WWTR1: variants seen among roughly 807,000 people sequenced by gnomAD.
WWTR1 encodes the protein WW domain-containing transcription regulator protein 1.
A neutral mutation model predicts 40.1 loss-of-function variants in WWTR1; 13 were observed. That is an observed-to-expected ratio of 0.32 (90% confidence interval 0.21 to 0.52). WWTR1 has a LOEUF of 0.52. Among genes scored for constraint, WWTR1 ranks in the 20% least tolerant of loss-of-function variants. The pLI is 0.97. For synonymous variants in WWTR1, 230 were observed against 210.1 expected, an observed-to-expected ratio of 1.09 and a Z score of -0.82; for missense variants, 436 against 523.1, an observed-to-expected ratio of 0.83 and a Z score of 1.63.
At chr3:149,629,770 C>T (rs1711504496) in intron 2 of WWTR1, among the ~76,000 whole-genome samples, 1 of 152,074 alleles carries the variant, frequency 6.6e-6, no homozygotes, top group Non-Finnish European at 1.5e-5. Flanking sequence ...ATCAGCCAAC[C>T]CATCTACTAT....
At chr3:149,579,896 A>C (rs1220107772) in intron 2 of WWTR1, among the ~76,000 whole-genome samples, 2 of 152,204 alleles carry the variant, frequency 1.3e-5, no homozygotes, top group African/African-American at 4.8e-5. Flanking sequence ...TAGTGTTAAA[A>C]ATGGAAACTG....
intron 2 of WWTR1, among the ~76,000 whole-genome samples, chr3:149,663,864 C>T (rs1021833690): frequency 6.6e-6 from 1 of 152,210 alleles, no homozygotes; most frequent in African/African-American, 2.4e-5. Context: ...TACTTCTGGA[C>T]TCAACTCTTT....
In WWTR1 at chr3:149,570,569, A is replaced by AAATAATAATAAT. The variant is rs71135699; in HGVS notation, c.568+2283_568+2294dup. 2.2e-3 allele frequency among the ~76,000 whole-genome samples: 317 copies of AAATAATAATAAT among 146,510 alleles called. 1 individual carries two copies. The highest frequency in any genetic ancestry group is 7.4e-3 in the African/African-American group (297 of 40,014). ...GATGACAGGGTGAGCCTCTTTCTCAAAATAATAATAATAATAATAATAATA... is the reference window on the plus strand; with the variant it reads ...GATGACAGGGTGAGCCTCTTTCTCAAAATAATAATAATAATAATAATAATAATAATAATAATA... On this transcript the variant is annotated intron_variant, in intron 3 of 6. Transcript: ENST00000360632.
At chr3:149,578,790 G>A (rs1330583038) in intron 2 of WWTR1, among the ~76,000 whole-genome samples, 4 of 152,090 alleles carry the variant, frequency 2.6e-5, no homozygotes, top group African/African-American at 9.7e-5. Flanking sequence ...AGAGGCAAGA[G>A]AAACACTTGA....
chr3:149,578,053 C>A (rs1416143926), intron 2 of WWTR1, among the ~76,000 whole-genome samples: 1 of 140,584 alleles, frequency 7.1e-6, no homozygotes, highest in African/African-American at 2.6e-5. Context: ...ATCTCACCTC[C>A]AGGCACATAT....
At chr3:149,710,839 A>G (rs984977610) in intron 5 of WWTR1, among the ~76,000 whole-genome samples, 3 of 152,010 alleles carry the variant, frequency 2.0e-5, no homozygotes, top group African/African-American at 7.2e-5. Flanking sequence ...TCAGCCTCCC[A>G]ACGTGCTGGG....
chr3:149,667,316 G>T lies in WWTR1; in HGVS notation c.-4+2472C>A, dbSNP rs182639936. On this transcript the variant is annotated intron_variant, in intron 2 of 7. Coordinates refer to the WWTR1 transcript ENST00000465804. The stretch of plus-strand genomic sequence containing the variant: ...AATCCCAGCACTTTGGGAGGCTGAG[G>T]GGGGGTGGATCATGAGGTCAGGAGA... Among the ~76,000 whole-genome samples, 82 of 98,282 alleles carry T rather than the reference G, an allele frequency of 8.3e-4. 2 individuals carry two copies. The East Asian group carries it at 0.024, about 28-fold the overall frequency. 64.5% of individuals were successfully genotyped at this position (98,282 alleles called of 152,430 possible).
At chr3:149,639,817 T>C (rs1712046945) in intron 2 of WWTR1, among the ~76,000 whole-genome samples, 1 of 150,870 alleles carries the variant, frequency 6.6e-6, no homozygotes, top group Non-Finnish European at 1.5e-5. Context: ...CACGGTGAAA[T>C]CCCATCTCTA....
chr3:149,583,483 C>T (rs1219593016), intron 2 of WWTR1, among the ~76,000 whole-genome samples: 1 of 152,154 alleles, frequency 6.6e-6, no homozygotes, highest in African/African-American at 2.4e-5. Context: ...TCTACACATG[C>T]GTGCCACCTT....
At chr3:149,593,434 A>G (rs906242469) in intron 2 of WWTR1, among the ~76,000 whole-genome samples, 1 of 151,802 alleles carries the variant, frequency 6.6e-6, no homozygotes, top group Non-Finnish European at 1.5e-5. Flanking sequence ...CTTGCCCCAA[A>G]GCCAGGAGAT....
intron 6 of WWTR1, among the ~76,000 whole-genome samples, chr3:149,523,248 ATTC>A (rs1735145289): frequency 6.9e-6 from 1 of 143,898 alleles, no homozygotes. Context: ...ACACAAGGCA[ATTC>A]TTTTTTTTTT....
intron 4 of WWTR1, among the ~76,000 whole-genome samples, chr3:149,719,993 G>A (rs1715718470): frequency 6.6e-6 from 1 of 152,112 alleles, no homozygotes; most frequent in South Asian, 2.1e-4. Flanking sequence ...TTGAGTTTTA[G>A]GAGTTCTCCA....
chr3:149,687,126 C>A (rs1714680588), intron 1 of WWTR1, among the ~76,000 whole-genome samples: 1 of 152,174 alleles, frequency 6.6e-6, no homozygotes, highest in Admixed American at 6.5e-5. Context: ...TGAGTTCTAC[C>A]AGCAGCAATT....
At chr3:149,604,551 C>T (rs1186502736) in intron 2 of WWTR1, among the ~76,000 whole-genome samples, 1 of 152,188 alleles carries the variant, frequency 6.6e-6, no homozygotes, top group East Asian at 1.9e-4. Flanking sequence ...TCCAGGAGGG[C>T]CAGGTGCTCC....
intron 4 of WWTR1, 90 bp downstream of exon 4, chr3:149,542,245 A>G (rs1275685361): frequency 1.4e-6 from 2 of 1,436,474 alleles, no homozygotes; most frequent in Non-Finnish European, 1.9e-6. Context: ...TCTTCTCTAG[A>G]AGAATTACCC....
intron 3 of WWTR1, among the ~76,000 whole-genome samples, chr3:149,563,854 C>T (rs548115229): frequency 6.6e-6 from 1 of 152,174 alleles, no homozygotes; most frequent in Non-Finnish European, 1.5e-5. Flanking sequence ...TGGGTTCAAG[C>T]GATTCTCCTT....
At chr3:149,579,277 C>T (rs1333860281) in intron 2 of WWTR1, among the ~76,000 whole-genome samples, 1 of 152,156 alleles carries the variant, frequency 6.6e-6, no homozygotes, top group Non-Finnish European at 1.5e-5. Flanking sequence ...CTGGAAGCAG[C>T]CTCCAAACTG....
chr3:149,545,751 C>T (rs1036027316), intron 3 of WWTR1, among the ~76,000 whole-genome samples: 1 of 152,184 alleles, frequency 6.6e-6, no homozygotes, highest in African/African-American at 2.4e-5. Flanking sequence ...CAACTCCTGG[C>T]CTCGAGTGAT....
chr3:149,522,778 T>C (rs1735117236), intron 6 of WWTR1, among the ~76,000 whole-genome samples: 1 of 152,148 alleles, frequency 6.6e-6, no homozygotes, highest in Admixed American at 6.5e-5. Context: ...GGCTCATGCC[T>C]GTAATCCCAG....
Sources: allele counts gnomAD v4.1 joint callset (sites outside exome capture counted in the v4.1 genomes callset), GRCh38; gene constraint gnomAD v4.1.1; transcripts MANE v1.5; gene names NCBI Gene and HGNC (gene_info 2026-07-23, HGNC 2026-07-21).